BRD4: variants seen among roughly 807,000 people sequenced by gnomAD.
BRD4 encodes bromodomain-containing protein 4.
Under a neutral mutation model 142.1 loss-of-function variants are expected in BRD4, and 16 were observed. The observed-to-expected ratio is 0.11, with a 90% CI of 0.08 to 0.17. The LOEUF is 0.17. BRD4 is among the 10% of genes least tolerant of loss of function. The pLI is 1.00. For missense variants in BRD4, 1,424 were observed against 1,810.9 expected, an observed-to-expected ratio of 0.79 and a Z score of 3.88; for synonymous variants, 833 against 707.5, an observed-to-expected ratio of 1.18 and a Z score of -2.82.
intron 1 of BRD4, among the ~76,000 whole-genome samples, chr19:15,309,530 T>A (rs2047948156): frequency 6.6e-6 from 1 of 152,024 alleles, no homozygotes; most frequent in Admixed American, 6.6e-5. Flanking sequence ...GGTTAAAACA[T>A]AAATAATGAA....
At chr19:15,266,955 GATGA>G (rs2047541095) in intron 4 of BRD4, among the ~76,000 whole-genome samples, 1 of 152,210 alleles carries the variant, frequency 6.6e-6, no homozygotes, top group Non-Finnish European at 1.5e-5. Context: ...TTTCACTTCA[GATGA>G]CTGAGCATCA....
chr19:15,245,230 A>G (rs2047275074), intron 11 of BRD4, among the ~76,000 whole-genome samples: 1 of 152,124 alleles, frequency 6.6e-6, no homozygotes, highest in Non-Finnish European at 1.5e-5. Context: ...CACATGGCTA[A>G]AAAGCAGCTT....
chr19:15,328,485 G>C (rs1282484296), intron 1 of BRD4, among the ~76,000 whole-genome samples: 2 of 152,156 alleles, frequency 1.3e-5, no homozygotes, highest in Non-Finnish European at 2.9e-5. Context: ...TGCATGCCAG[G>C]CTGCTCGGAC....
chr19:15,304,776 G>T (rs2047899539), intron 1 of BRD4, among the ~76,000 whole-genome samples: 1 of 152,094 alleles, frequency 6.6e-6, no homozygotes, highest in Non-Finnish European at 1.5e-5. Context: ...AGGGATTAGG[G>T]TCTCAGTTTT....
At chr19:15,284,123 C>A (rs956520417) in intron 1 of BRD4, among the ~76,000 whole-genome samples, 3 of 152,132 alleles carry the variant, frequency 2.0e-5, no homozygotes, top group African/African-American at 7.2e-5. Flanking sequence ...CTGGGCACTT[C>A]ATTGTGATTT....
intron 1 of BRD4, among the ~76,000 whole-genome samples, chr19:15,274,193 G>C (rs1414809031): frequency 6.6e-6 from 1 of 152,204 alleles, no homozygotes; most frequent in African/African-American, 2.4e-5. Context: ...TCCAGACACA[G>C]ATAGATTACA....
intron 14 of BRD4, among the ~76,000 whole-genome samples, chr19:15,240,811 C>G (rs1466393621): frequency 2.0e-5 from 3 of 152,186 alleles, no homozygotes; most frequent in Non-Finnish European, 4.4e-5. Flanking sequence ...TCCCTGCAGG[C>G]AAGGGGCCTC....
rs190036629 is a variant in BRD4 at position 15,252,287 on chromosome 19, C to G, written c.2158+1865G>C. ...TTGTCTTGTGAGGGCTAAAGCAGCA[C>G]ACTGCCACGACCACGTCATGTCATT... On this transcript the variant is annotated intron_variant, in intron 11 of 19. Coordinates refer to ENST00000679869, the MANE Select transcript of BRD4 (RefSeq NM_001379291.1). 1.2e-3 allele frequency among the ~76,000 whole-genome samples: 183 copies of G among 152,356 alleles called. 1 individual carries two copies. Among genetic ancestry groups the G allele is most frequent in the African/African-American group, 3.7e-3 (154 of 41,578 alleles).
Position 15,273,056 on chromosome 19 carries a change from G to T in BRD4, c.44C>A (p.Pro15Gln). The change falls in exon 2 of 20, where the codon CCA becomes CAA. Residue 15 changes from proline to glutamine, a missense_variant. This residue lies in a region of BRD4 where 70 missense variants were observed against 69.8 expected (regional missense o/e 1.00). Transcript: ENST00000679869. Reference protein sequence around the residue: ...SGPGTRLRNLPVMGDGLETSQ... With the variant: ...SGPGTRLRNLQVMGDGLETSQ... The stretch of plus-strand genomic sequence containing the variant: ...AGTTTCTAGTCCATCCCCCATTACT[G>T]GCAGATTTCTCAATCTCGTCCCAGG... 1 of 1,610,706 alleles carries T rather than the reference G, an allele frequency of 6.2e-7. No individual in the cohort carries two copies. Among genetic ancestry groups the T allele is most frequent in the South Asian group, 1.1e-5 (1 of 90,928 alleles).
chr19:15,303,485 A>G lies in BRD4; in HGVS notation c.-35+28805T>C, dbSNP rs114722859. Among the ~76,000 whole-genome samples, 575 of 152,330 alleles carry G rather than the reference A, an allele frequency of 3.8e-3. 5 individuals are homozygous for G. Among genetic ancestry groups the G allele is most frequent in the African/African-American group, 0.013 (542 of 41,564 alleles). Reference sequence around the variant, plus strand: ...ACTAGCTCTGACAGCGAACACCTTTAGATTCAGAGGAGAAAAGTAGCCTTA... The same window carrying G: ...ACTAGCTCTGACAGCGAACACCTTTGGATTCAGAGGAGAAAAGTAGCCTTA... On this transcript the variant is annotated intron_variant, in intron 1 of 19. Transcript: ENST00000679869.
chr19:15,306,645 G>T (rs1474797153), intron 1 of BRD4, among the ~76,000 whole-genome samples: 1 of 152,086 alleles, frequency 6.6e-6, no homozygotes, highest in Non-Finnish European at 1.5e-5. Context: ...GGCTATTATA[G>T]GGTTATTAAC....
At chr19:15,261,049 T>A (rs1187783174) in intron 7 of BRD4, among the ~76,000 whole-genome samples, 1 of 152,178 alleles carries the variant, frequency 6.6e-6, no homozygotes, top group South Asian at 2.1e-4. Flanking sequence ...ATGAAGGGCA[T>A]GGGTATCAAT....
intron 11 of BRD4, chr19:15,253,846 G>A (rs1376225995): frequency 1.9e-5 from 26 of 1,394,904 alleles, no homozygotes; most frequent in Non-Finnish European, 2.4e-5. Flanking sequence ...AGTCCTCATG[G>A]CCCAGCTTCC....
At chr19:15,328,779 G>GT (rs1243665642) in intron 1 of BRD4, among the ~76,000 whole-genome samples, 5 of 152,140 alleles carry the variant, frequency 3.3e-5, no homozygotes, top group African/African-American at 7.2e-5. Flanking sequence ...TTCTGGTTTT[G>GT]TTTTTTGTTT....
intron 1 of BRD4, among the ~76,000 whole-genome samples, chr19:15,281,350 A>T (rs1371738555): frequency 6.6e-6 from 1 of 152,202 alleles, no homozygotes; most frequent in Non-Finnish European, 1.5e-5. Flanking sequence ...CTGCTAGGGG[A>T]GAGTGTGAGC....
At chr19:15,305,079 C>A (rs895590698) in intron 1 of BRD4, among the ~76,000 whole-genome samples, 2 of 140,598 alleles carry the variant, frequency 1.4e-5, no homozygotes, top group African/African-American at 5.4e-5. Flanking sequence ...AGTGCAATGG[C>A]GCGATCTCAG....
chr19:15,242,670 G>A (rs2145509298), intron 14 of BRD4, among the ~76,000 whole-genome samples: 2 of 152,268 alleles, frequency 1.3e-5, no homozygotes, highest in Middle Eastern at 6.8e-3. Context: ...ACTCAAGAGA[G>A]GGACCAGAGG....
chr19:15,255,266 G>A (rs1241617482), intron 10 of BRD4, 31 bp downstream of exon 10: 2 of 1,593,164 alleles, frequency 1.3e-6, no homozygotes, highest in Admixed American at 1.7e-5. Flanking sequence ...GCCCACAGAA[G>A]GAACCCCATG....
chr19:15,311,759 G>A (rs1046528804), intron 1 of BRD4, among the ~76,000 whole-genome samples: 10 of 152,152 alleles, frequency 6.6e-5, no homozygotes, highest in East Asian at 1.9e-4. Context: ...CCAACATCGC[G>A]CCATTGCACT....
Sources: allele counts gnomAD v4.1 joint callset (sites outside exome capture counted in the v4.1 genomes callset), GRCh38; gene constraint gnomAD v4.1.1; regional missense constraint gnomAD v4.1.1; transcripts MANE v1.5; gene names NCBI Gene and HGNC (gene_info 2026-07-23, HGNC 2026-07-21).